The following DLG2 variants were observed in gnomAD, a reference collection of about 807,000 sequenced individuals.
The protein encoded by DLG2 is disks large homolog 2.
A neutral mutation model predicts 132.5 loss-of-function variants in DLG2; 45 were observed. The observed-to-expected ratio is 0.34, with a 90% CI of 0.27 to 0.44. The LOEUF (loss-of-function observed/expected upper bound fraction) is 0.44, where lower values mean the gene tolerates loss of function less well. DLG2 is among the 20% of genes least tolerant of loss of function. DLG2 has a pLI of 1.00. For missense variants in DLG2, 1,045 were observed against 1,196.9 expected, an observed-to-expected ratio of 0.87 and a Z score of 1.87; for synonymous variants, 424 against 419.6, an observed-to-expected ratio of 1.01 and a Z score of -0.13.
chr11:84,405,925 T>C (rs1026585052), intron 7 of DLG2, among the ~76,000 whole-genome samples: 1 of 152,214 alleles, frequency 6.6e-6, no homozygotes, highest in African/African-American at 2.4e-5. Context: ...TCTAACTGTC[T>C]CTGCTCATCT....
chr11:84,040,632 T>G (rs2096047402), intron 11 of DLG2, among the ~76,000 whole-genome samples: 9 of 151,716 alleles, frequency 5.9e-5, no homozygotes, highest in Admixed American at 5.9e-4. Flanking sequence ...AGCCTTGTAG[T>G]ATAGTTTGAA....
At chr11:85,258,953 C>G (rs937392078) in intron 4 of DLG2, among the ~76,000 whole-genome samples, 2 of 152,122 alleles carry the variant, frequency 1.3e-5, no homozygotes, top group African/African-American at 4.8e-5. Context: ...TATTATAATC[C>G]TTATTTCACA....
At chr11:84,350,182 C>CT (rs1555518944) in intron 7 of DLG2, among the ~76,000 whole-genome samples, 1 of 142,420 alleles carries the variant, frequency 7.0e-6, no homozygotes, top group Non-Finnish European at 1.5e-5. Flanking sequence ...CGTCCCCCCC[C>CT]CCAAAAAAAA....
chr11:84,674,410 C>A (rs539232462), intron 6 of DLG2, among the ~76,000 whole-genome samples: 1 of 151,968 alleles, frequency 6.6e-6, no homozygotes, highest in Non-Finnish European at 1.5e-5. Context: ...ATTTATTGAG[C>A]CTTACTAAGT....
At position 84,861,618 on chromosome 11, in the gene DLG2, C is replaced by CAAAAAAA. The variant is rs1177657034; in HGVS notation, c.357+250036_357+250042dup. ...ATTAAACTAAAGAGCTTCTACACAG[C>CAAAAAAA]AAAAAAAAAAAAAAAAAAAAACAAA... On this transcript the variant is annotated intron_variant, in intron 6 of 27. Transcript: ENST00000376104. Among the ~76,000 whole-genome samples, 315 of 35,786 alleles carry CAAAAAAA rather than the reference C, an allele frequency of 8.8e-3. 37 individuals are homozygous for CAAAAAAA. Among genetic ancestry groups the CAAAAAAA allele is most frequent in the South Asian group, 0.02 (14 of 702 alleles). 23.5% of individuals were successfully genotyped at this position (35,786 alleles called of 152,430 possible).
At chr11:83,619,493 G>A (rs1018543484) in intron 19 of DLG2, among the ~76,000 whole-genome samples, 1 of 152,284 alleles carries the variant, frequency 6.6e-6, no homozygotes, top group South Asian at 2.1e-4. Context: ...AAATATGGGT[G>A]ATAACTTCAG....
At chr11:83,926,938 G>A (rs933114681) in intron 15 of DLG2, among the ~76,000 whole-genome samples, 1 of 152,106 alleles carries the variant, frequency 6.6e-6, no homozygotes, top group Admixed American at 6.6e-5. Context: ...GAGTCCTCAC[G>A]AAGAACTGAC....
At chr11:84,830,241 T>C (rs933567597) in intron 6 of DLG2, among the ~76,000 whole-genome samples, 1 of 151,550 alleles carries the variant, frequency 6.6e-6, no homozygotes, top group Non-Finnish European at 1.5e-5. Context: ...GAGGCAAGTA[T>C]GAATGAGGCT....
chr11:83,668,411 T>G (rs2076107405), intron 18 of DLG2, among the ~76,000 whole-genome samples: 1 of 152,182 alleles, frequency 6.6e-6, no homozygotes, highest in Admixed American at 6.5e-5. Flanking sequence ...AGCTCCATAC[T>G]TTTGTATAGG....
At chr11:85,421,999 G>A (rs565153598) in intron 3 of DLG2, among the ~76,000 whole-genome samples, 1 of 152,258 alleles carries the variant, frequency 6.6e-6, no homozygotes, top group Admixed American at 6.5e-5. Context: ...TATTTGAGGA[G>A]GATGAAGATA....
chr11:84,192,634 G>A (rs182521652), intron 8 of DLG2, among the ~76,000 whole-genome samples: 1,754 of 152,234 alleles, frequency 0.012, 37 homozygotes, highest in African/African-American at 0.037. Flanking sequence ...GGAGGCTGAG[G>A]CAGAAGAATC....
At chr11:85,502,295 A>G (rs1309456928) in intron 3 of DLG2, among the ~76,000 whole-genome samples, 1 of 151,766 alleles carries the variant, frequency 6.6e-6, no homozygotes, top group Admixed American at 6.6e-5. Flanking sequence ...GAGGGATAAC[A>G]TTAGGAGAAA....
At chr11:85,028,748 G>A (rs971918416) in intron 6 of DLG2, among the ~76,000 whole-genome samples, 9 of 152,134 alleles carry the variant, frequency 5.9e-5, no homozygotes, top group African/African-American at 2.2e-4. Flanking sequence ...GGGCTGGAGA[G>A]GGACACTTCC....
chr11:85,443,185 T>C (rs906217916), intron 3 of DLG2, among the ~76,000 whole-genome samples: 7 of 152,226 alleles, frequency 4.6e-5, no homozygotes, highest in African/African-American at 1.7e-4. Context: ...TTTTATCTAC[T>C]ACAGCACGAT....
intron 6 of DLG2, among the ~76,000 whole-genome samples, chr11:84,755,446 C>T (rs1157586734): frequency 3.9e-5 from 6 of 151,970 alleles, no homozygotes; most frequent in African/African-American, 9.7e-5. Context: ...TTTTTTGAGA[C>T]GGAGTCTCGC....
chr11:83,978,992 C>T (rs1321662941), intron 12 of DLG2, among the ~76,000 whole-genome samples: 1 of 152,082 alleles, frequency 6.6e-6, no homozygotes, highest in Admixed American at 6.6e-5. Flanking sequence ...CTGTCTACAT[C>T]TCAATTCTTT....
chr11:85,238,204 A>AT (rs1178022683), intron 4 of DLG2, among the ~76,000 whole-genome samples: 1 of 133,314 alleles, frequency 7.5e-6, no homozygotes, highest in Admixed American at 8.3e-5. Context: ...TTTTATTTTT[A>AT]TTTTATTTAT....
intron 3 of DLG2, among the ~76,000 whole-genome samples, chr11:85,412,669 C>T (rs945359630): frequency 7.4e-5 from 11 of 149,400 alleles, no homozygotes; most frequent in African/African-American, 2.7e-4. Context: ...TCTCCAATCT[C>T]ATCCCAGTCT....
At chr11:85,208,203 C>G (rs2082029131) in intron 4 of DLG2, among the ~76,000 whole-genome samples, 1 of 152,002 alleles carries the variant, frequency 6.6e-6, no homozygotes, top group Non-Finnish European at 1.5e-5. Flanking sequence ...TGGTAATCAA[C>G]AAAGCAGGAA....
Sources: gnomAD v4.1 joint callset for allele counts (sites outside exome capture counted in the v4.1 genomes callset) on GRCh38, gnomAD v4.1.1 for gene constraint, MANE v1.5 for transcripts, NCBI Gene and HGNC (gene_info 2026-07-23, HGNC 2026-07-21) for gene names.